RGS7: variants seen among roughly 807,000 people sequenced by gnomAD.
The protein encoded by RGS7 is regulator of G-protein signaling 7.
In RGS7, 27 loss-of-function variants were observed where a neutral mutation model predicts 81.1. That is an observed-to-expected ratio of 0.33 (90% confidence interval 0.25 to 0.46). The LOEUF is 0.46. Ranked by LOEUF, RGS7 falls within the 20% of genes least tolerant of loss-of-function variation. The pLI is 1.00. For missense variants in RGS7, 396 were observed against 607.4 expected (o/e 0.65, Z 3.66); for synonymous variants, 208 against 207.7 (o/e 1.00, Z -0.01).
At chr1:241,332,904 A>G (rs1301726536) in intron 2 of RGS7, among the ~76,000 whole-genome samples, 2 of 152,206 alleles carry the variant, frequency 1.3e-5, no homozygotes, top group Non-Finnish European at 2.9e-5. Flanking sequence ...AACAATGAAC[A>G]GGACCATTTC....
chr1:241,327,073 GAAGGAAGA>G (rs2081587521), intron 2 of RGS7, among the ~76,000 whole-genome samples: 1 of 28,132 alleles, frequency 3.6e-5, no homozygotes, highest in African/African-American at 1.5e-4. Flanking sequence ...AGGAAGGAAG[GAAGGAAGA>G]GAAAGAAAGA....
intron 9 of RGS7, among the ~76,000 whole-genome samples, chr1:240,843,945 T>A (rs1347067377): frequency 6.6e-6 from 1 of 152,004 alleles, no homozygotes; most frequent in Non-Finnish European, 1.5e-5. Flanking sequence ...GAAATCAGAG[T>A]CCATGCTGGT....
At chr1:241,119,438 C>G (rs2066093317) in intron 2 of RGS7, among the ~76,000 whole-genome samples, 1 of 152,190 alleles carries the variant, frequency 6.6e-6, no homozygotes. Flanking sequence ...TACCAAAACT[C>G]CACAGGTAGT....
intron 2 of RGS7, among the ~76,000 whole-genome samples, chr1:241,185,278 A>C (rs1329536546): frequency 2.0e-5 from 3 of 152,126 alleles, no homozygotes; most frequent in Non-Finnish European, 4.4e-5. Context: ...TGAAGGGTTT[A>C]CTCTATTTTA....
chr1:241,124,709 G>A (rs964105741), intron 2 of RGS7, among the ~76,000 whole-genome samples: 2 of 152,200 alleles, frequency 1.3e-5, no homozygotes, highest in African/African-American at 4.8e-5. Context: ...CAGTGCACGG[G>A]GCCCATTTGG....
chr1:241,214,326 T>G (rs1412346336), intron 2 of RGS7, among the ~76,000 whole-genome samples: 1 of 152,198 alleles, frequency 6.6e-6, no homozygotes, highest in Non-Finnish European at 1.5e-5. Context: ...CCCTAGAAAC[T>G]TATCATTCCA....
intron 3 of RGS7, among the ~76,000 whole-genome samples, chr1:241,065,426 T>C (rs1049708211): frequency 6.6e-6 from 1 of 151,976 alleles, no homozygotes; most frequent in South Asian, 2.1e-4. Flanking sequence ...AGTAGCTATA[T>C]AAAAATTATT....
intron 2 of RGS7, among the ~76,000 whole-genome samples, chr1:241,252,775 C>T (rs1329704253): frequency 6.6e-6 from 1 of 152,122 alleles, no homozygotes; most frequent in East Asian, 1.9e-4. Flanking sequence ...GGCATTTTCA[C>T]CTCCTCTAGG....
intron 6 of RGS7, among the ~76,000 whole-genome samples, chr1:240,906,280 C>T (rs922333548): frequency 3.9e-5 from 6 of 152,148 alleles, no homozygotes; most frequent in Non-Finnish European, 7.4e-5. Context: ...ATTAAATGCC[C>T]TCCCAGGGTA....
chr1:240,860,779 C>A (rs1662057292), intron 9 of RGS7, among the ~76,000 whole-genome samples: 1 of 152,082 alleles, frequency 6.6e-6, no homozygotes, highest in Admixed American at 6.6e-5. Flanking sequence ...TTAACTATTA[C>A]CTTTAGCTTA....
intron 2 of RGS7, 58 bp downstream of exon 2, chr1:241,355,640 GA>G (rs370728853): frequency 3.8e-5 from 56 of 1,478,290 alleles, no homozygotes; most frequent in East Asian, 3.2e-4. Flanking sequence ...TCTAGAGGGG[GA>G]AAAAAATCGA....
At position 241,232,988 on chromosome 1, in the gene RGS7, A is replaced by G. The variant is rs183843830; in HGVS notation, c.78+122711T>C. 2.2e-3 allele frequency among the ~76,000 whole-genome samples: 342 copies of G among 152,296 alleles called. 3 individuals are homozygous for G. Among genetic ancestry groups the G allele is most frequent in the African/African-American group, 7.9e-3 (328 of 41,572 alleles). ...TAGGTCATTGGCTTATATAAAAAAA[A>G]TCTTATAATCTTTTTACAGGAATCA... On this transcript the variant is annotated intron_variant, in intron 2 of 18. Coordinates refer to ENST00000440928, the MANE Select transcript of RGS7 (RefSeq NM_001364886.1).
chr1:241,254,764 T>C (rs960413299), intron 2 of RGS7, among the ~76,000 whole-genome samples: 54 of 152,192 alleles, frequency 3.5e-4, no homozygotes, highest in Admixed American at 3.4e-3. Flanking sequence ...ACTGAGTAAA[T>C]TGCAAATCTA....
chr1:241,183,354 C>T (rs1309153603), intron 2 of RGS7, among the ~76,000 whole-genome samples: 1 of 152,222 alleles, frequency 6.6e-6, no homozygotes, highest in Non-Finnish European at 1.5e-5. Flanking sequence ...TCAGCTCAGT[C>T]ACCACGTGCT....
At chr1:240,882,250 G>A (rs1373567640) in intron 6 of RGS7, among the ~76,000 whole-genome samples, 1 of 152,188 alleles carries the variant, frequency 6.6e-6, no homozygotes, top group East Asian at 1.9e-4. Flanking sequence ...GGGAGGTGGT[G>A]TCCTTAAGGA....
intron 3 of RGS7, among the ~76,000 whole-genome samples, chr1:241,084,847 T>C (rs1312037878): frequency 6.6e-6 from 1 of 152,252 alleles, no homozygotes; most frequent in Non-Finnish European, 1.5e-5. Flanking sequence ...GAACTCCCTA[T>C]TAATTTCTGA....
At chr1:241,122,492 A>G (rs966014126) in intron 2 of RGS7, among the ~76,000 whole-genome samples, 1 of 152,006 alleles carries the variant, frequency 6.6e-6, no homozygotes, top group Non-Finnish European at 1.5e-5. Context: ...GTGAAACCCC[A>G]TCTCTACTAA....
chr1:240,967,446 A>C (rs552830294), intron 4 of RGS7, among the ~76,000 whole-genome samples: 167 of 152,106 alleles, frequency 1.1e-3, no homozygotes, highest in African/African-American at 3.9e-3. Flanking sequence ...AGCTCAACAA[A>C]ACCTTGTGAA....
At chr1:240,866,544 G>A (rs2148010129) in intron 9 of RGS7, among the ~76,000 whole-genome samples, 1 of 152,090 alleles carries the variant, frequency 6.6e-6, no homozygotes, top group Non-Finnish European at 1.5e-5. Flanking sequence ...CAAGGGAGAT[G>A]GAGCCAGTGG....
Sources: gnomAD v4.1 joint callset for allele counts (sites outside exome capture counted in the v4.1 genomes callset) on GRCh38, gnomAD v4.1.1 for gene constraint, MANE v1.5 for transcripts, NCBI Gene and HGNC (gene_info 2026-07-23, HGNC 2026-07-21) for gene names.